SLC6A7: variants seen among roughly 807,000 people sequenced by gnomAD.
The protein encoded by SLC6A7 is sodium-dependent proline transporter.
SLC6A7 carries 58 observed loss-of-function variants against 73.1 expected under a neutral mutation model. The observed-to-expected ratio is 0.79, with a 90% CI of 0.64 to 0.99. The LOEUF (loss-of-function observed/expected upper bound fraction) is 0.99, where lower values mean the gene tolerates loss of function less well. Among genes scored for constraint, SLC6A7 ranks in the 50% least tolerant of loss-of-function variants. The pLI, the probability that SLC6A7 is intolerant of heterozygous loss-of-function variation, is 0.00. For synonymous variants in SLC6A7, 338 were observed against 338.7 expected (o/e 1.00, Z 0.02); for missense variants, 783 against 831.4 (o/e 0.94, Z 0.72).
chr5:150,198,547 A>G (rs1424889913), intron 4 of SLC6A7, among the ~76,000 whole-genome samples: 1 of 152,216 alleles, frequency 6.6e-6, no homozygotes, highest in Non-Finnish European at 1.5e-5. Context: ...GTGGTTCTCC[A>G]TGGCCATGCC....
Position 150,201,196 on chromosome 5 carries a change from C to T in SLC6A7, c.831C>T (p.Pro277=), listed in dbSNP as rs1753363470. The T allele has an allele frequency of 1.2e-6, 2 of 1,612,952 alleles. No individual in the cohort carries two copies. Among genetic ancestry groups the T allele is most frequent in the Non-Finnish European group, 1.7e-6 (2 of 1,179,418 alleles). The change falls in exon 6 of 14, where the codon CCC becomes CCT. Residue 277 remains proline (P), a synonymous_variant. Transcript: ENST00000230671. ...AWKGIQFYLT[P]QFHHLLSSKV... is the part of the protein sequence containing the mutation. ...AGGGCATCCAGTTCTATCTCACCCC[C>T]CAGTTCCACCACTTGTTGTCTTCCA...
intron 1 of SLC6A7, among the ~76,000 whole-genome samples, chr5:150,192,661 G>T (rs1471716543): frequency 6.6e-6 from 1 of 152,164 alleles, no homozygotes; most frequent in African/African-American, 2.4e-5. Flanking sequence ...GCAGAAGCAG[G>T]CTTCCCTCTG....
intron 5 of SLC6A7, among the ~76,000 whole-genome samples, chr5:150,200,251 G>C (rs1753297826): frequency 6.6e-6 from 1 of 152,250 alleles, no homozygotes; most frequent in African/African-American, 2.4e-5. Context: ...CTAGCAGTTT[G>C]GGAAGCCGAG....
At chr5:150,205,072 C>T in intron 12 of SLC6A7, 145 bp downstream of exon 12, 2 of 609,222 alleles carry the variant, frequency 3.3e-6, no homozygotes, top group South Asian at 2.0e-5. Flanking sequence ...CCATCCCCTC[C>T]CCTGATGTTC....
chr5:150,204,377 A>G (rs531700123), intron 10 of SLC6A7, among the ~76,000 whole-genome samples, 155 bp from the exon 11 acceptor site: 2 of 152,310 alleles, frequency 1.3e-5, no homozygotes, highest in East Asian at 3.9e-4. Flanking sequence ...CTCAGATAAG[A>G]CAAGGCCTAG....
intron 6 of SLC6A7, among the ~76,000 whole-genome samples, 164 bp from the exon 7 acceptor site, chr5:150,202,183 G>A (rs1399080353): frequency 6.6e-6 from 1 of 152,174 alleles, no homozygotes; most frequent in Admixed American, 6.5e-5. Context: ...AAATGTTGGG[G>A]GAGGCTTTGC....
In SLC6A7 at chr5:150,203,820, G is replaced by GTGGTGTGTGTGT. The variant is rs1554116761; in HGVS notation, c.1200+41_1200+42insTGGTGTGTGTGT. Reference sequence around the variant, plus strand: ...GGCAGCAGGCACCCCGTGTGTGTGTGGTGTGTGTGTGTGTGTGTGTGTGTG... The same window carrying GTGGTGTGTGTGT: ...GGCAGCAGGCACCCCGTGTGTGTGTGTGGTGTGTGTGTGTGTGTGTGTGTGTGTGTGTGTGTG... On this transcript the variant is annotated intron_variant, in intron 9 of 13. Transcript: ENST00000230671. The GTGGTGTGTGTGT allele has an allele frequency of 1.4e-4, 112 of 802,610 alleles. No homozygotes were observed. The African/African-American group carries it at 1.9e-3, about 14-fold the overall frequency. 49.7% of individuals were successfully genotyped at this position (802,610 alleles called of 1,614,324 possible). A position where few individuals can be genotyped will look rare whatever the true frequency, so the allele number is the denominator to read the frequency against.
At chr5:150,191,023 G>A (rs140583527) in intron 1 of SLC6A7, among the ~76,000 whole-genome samples, 13 of 152,298 alleles carry the variant, frequency 8.5e-5, no homozygotes, top group African/African-American at 2.9e-4. Context: ...CTTGCCTTGT[G>A]GGATTGGACC....
At chr5:150,201,042 G>C in intron 5 of SLC6A7, 47 bp from the exon 6 acceptor site, 2 of 1,607,728 alleles carry the variant, frequency 1.2e-6, no homozygotes, top group Non-Finnish European at 1.7e-6. Flanking sequence ...GAATGGCACT[G>C]AGTCAAGGTC....
intron 13 of SLC6A7, among the ~76,000 whole-genome samples, chr5:150,206,416 C>G (rs1329476958): frequency 6.6e-6 from 1 of 152,182 alleles, no homozygotes; most frequent in Admixed American, 6.5e-5. Flanking sequence ...GGTGTTCAAC[C>G]ATTGGTAGCT....
Position 150,199,221 on chromosome 5 carries a change from C to G in SLC6A7, c.585-7C>G. ...CCAGGGGACACTGAGACCTTTGTCT[C>G]CCACAGCCGCTACGTCCTCCACATC... On this transcript the variant is annotated splice_region_variant and splice_polypyrimidine_tract_variant and intron_variant, in intron 4 of 13. Coordinates refer to ENST00000230671, the MANE Select transcript of SLC6A7 (RefSeq NM_014228.5). The G allele has an allele frequency of 6.3e-7, 1 of 1,587,314 alleles. No individual in the cohort carries two copies. Among genetic ancestry groups the G allele is most frequent in the Non-Finnish European group, 8.6e-7 (1 of 1,164,332 alleles).
At position 150,203,934 on chromosome 5, in the gene SLC6A7, G is replaced by C; in HGVS notation, c.1228G>C (p.Ala410Pro). ...QFAFLETIVT[A>P]VTDEFPYYLR... ...TGCTTTTCTGGAGACCATTGTGACA[G>C]CTGTGACAGATGAGTTCCCATACTA... is the stretch of plus-strand genomic sequence containing the variant. Residue 410 changes from alanine (A) to proline (P), a missense_variant, in exon 10 of 14, where the codon GCT (alanine) becomes CCT (proline). By Grantham distance (27) the Ala-to-Pro change is conservative. Transcript: ENST00000230671. 6.2e-7 allele frequency: 1 copy of C among 1,613,536 alleles called. No individual in the cohort carries two copies. The highest frequency in any genetic ancestry group is 8.5e-7 in the Non-Finnish European group (1 of 1,179,912).
chr5:150,203,280 G>A (rs1409655361), intron 8 of SLC6A7, among the ~76,000 whole-genome samples: 1 of 152,194 alleles, frequency 6.6e-6, no homozygotes, highest in Non-Finnish European at 1.5e-5. Context: ...GCACAAATAA[G>A]TCATATTGTG....
chr5:150,196,613 A>C, intron 2 of SLC6A7, 103 bp from the exon 3 acceptor site: 1 of 1,108,734 alleles, frequency 9.0e-7, no homozygotes, highest in South Asian at 1.5e-5. Flanking sequence ...GTGTTCCATC[A>C]GGTCTGAGGG....
intron 1 of SLC6A7, 45 bp from the exon 2 acceptor site, chr5:150,194,682 TG>T: frequency 6.8e-7 from 1 of 1,480,472 alleles, no homozygotes; most frequent in Non-Finnish European, 9.4e-7. Flanking sequence ...ATTTCTGGCC[TG>T]GCCTCAGTCT....
At chr5:150,204,115 G>C in intron 10 of SLC6A7, 77 bp downstream of exon 10, 1 of 1,427,768 alleles carries the variant, frequency 7.0e-7, no homozygotes, top group Non-Finnish European at 9.6e-7. Context: ...TGGCCCAGCT[G>C]AGCAGTTGCT....
At chr5:150,206,054 C>T (rs1157377217) in intron 13 of SLC6A7, among the ~76,000 whole-genome samples, 1 of 152,152 alleles carries the variant, frequency 6.6e-6, no homozygotes, top group Non-Finnish European at 1.5e-5. Context: ...ATGGTGTGAG[C>T]CCTGCCCACG....
chr5:150,193,491 C>A (rs1047568970), intron 1 of SLC6A7, among the ~76,000 whole-genome samples: 6 of 152,160 alleles, frequency 3.9e-5, no homozygotes, highest in African/African-American at 4.8e-5. Context: ...TTTGACCCCC[C>A]CAGCCAAGCT....
chr5:150,207,375 C>T (rs1753754244), intron 13 of SLC6A7, among the ~76,000 whole-genome samples: 1 of 152,186 alleles, frequency 6.6e-6, no homozygotes, highest in South Asian at 2.1e-4. Context: ...CCTGCCTCAG[C>T]CTCCCAAGTA....
Sources: allele counts gnomAD v4.1 joint callset (sites outside exome capture counted in the v4.1 genomes callset), GRCh38; gene constraint gnomAD v4.1.1; transcripts MANE v1.5; gene names NCBI Gene and HGNC (gene_info 2026-07-23, HGNC 2026-07-21).